The following HNRNPUL1 variants were observed in gnomAD, a reference collection of about 807,000 sequenced individuals.
HNRNPUL1 encodes heterogeneous nuclear ribonucleoprotein U-like protein 1.
Under a neutral mutation model 108.5 loss-of-function variants are expected in HNRNPUL1, and 14 were observed. The observed-to-expected ratio is 0.13, with a 90% CI of 0.09 to 0.20. The LOEUF is 0.20. HNRNPUL1 is among the 10% of genes least tolerant of loss of function. The pLI, the probability that HNRNPUL1 is intolerant of heterozygous loss-of-function variation, is 1.00. For synonymous variants in HNRNPUL1, 422 were observed against 445.2 expected (o/e 0.95, Z 0.66); for missense variants, 804 against 1,168.3 (o/e 0.69, Z 4.55).
rs1055549533 is a variant in HNRNPUL1, at chr19:41,301,670, G to A, written c.1653G>A (p.Lys551=). Reference sequence around the variant, plus strand: ...TAAAGCGAACCGACGAGGAAGGGAAGGATGTCCCAGATCATGCGGTCTTAG... The same window carrying A: ...TAAAGCGAACCGACGAGGAAGGGAAAGATGTCCCAGATCATGCGGTCTTAG... ...RTIKRTDEEG[K]DVPDHAVLEM... Residue 551 remains lysine (K), a synonymous_variant, in exon 11 of 15, where the codon AAG becomes AAA. Transcript: ENST00000392006. 1 of 1,613,888 alleles carries A rather than the reference G, an allele frequency of 6.2e-7. No homozygotes were observed. The highest frequency in any genetic ancestry group is 1.3e-5 in the African/African-American group (1 of 75,036).
In HNRNPUL1 at chr19:41,306,709, CCT is replaced by C; in HGVS notation, c.*147_*148del. 1 of 436,600 alleles carries C rather than the reference CCT, an allele frequency of 2.3e-6. No homozygotes were observed. The highest frequency in any genetic ancestry group is 4.0e-6 in the Non-Finnish European group (1 of 249,828). 27.0% of individuals were successfully genotyped at this position (436,600 alleles called of 1,614,324 possible). ...TGCCTCCCTCCAGCCCACTGCCTCC[CCT>C]CTGAGGGGCTTCCTTCCCCTCCATA... On this transcript the variant is annotated 3_prime_UTR_variant, in exon 15 of 15. Transcript: ENST00000392006.
At chr19:41,304,633 C>T (rs994242160) in intron 13 of HNRNPUL1, among the ~76,000 whole-genome samples, 4 of 152,212 alleles carry the variant, frequency 2.6e-5, no homozygotes, top group Non-Finnish European at 4.4e-5. Context: ...CCCAGGCTGG[C>T]TGACCTCTTT....
chr19:41,280,732 C>T (rs756279881), intron 6 of HNRNPUL1, among the ~76,000 whole-genome samples: 5 of 152,158 alleles, frequency 3.3e-5, no homozygotes, highest in Non-Finnish European at 5.9e-5. Context: ...AAATCTAGTA[C>T]CTTTCCCAGG....
intron 7 of HNRNPUL1, chr19:41,286,756 C>T (rs945109230): frequency 1.4e-5 from 2 of 142,608 alleles, no homozygotes; most frequent in Non-Finnish European, 3.0e-5. Context: ...CACTCTTGTC[C>T]CCCAGGTTTG....
In HNRNPUL1 at chr19:41,294,143, G is replaced by T. The variant is rs2036750151; in HGVS notation, c.1267-195G>T. ...TTGACTTAATGCTCACCCTGTCCCA[G>T]GCACTGTGCTCAGAGTCTGACAAGC... On this transcript the variant is annotated intron_variant, in intron 8 of 14. Transcript: ENST00000392006. The surrounding 1 kb of genome is among the most constrained non-coding windows in gnomAD (Gnocchi z 4.3). 1.3e-5 allele frequency among the ~76,000 whole-genome samples: 2 copies of T among 152,170 alleles called. No homozygotes were observed. Among genetic ancestry groups the T allele is most frequent in the Non-Finnish European group, 2.9e-5 (2 of 68,030 alleles).
At chr19:41,274,827 A>G (rs2035453696) in intron 4 of HNRNPUL1, among the ~76,000 whole-genome samples, 1 of 152,242 alleles carries the variant, frequency 6.6e-6, no homozygotes, top group Non-Finnish European at 1.5e-5. Flanking sequence ...AGTAAGAGAT[A>G]AAAATATACA....
At chr19:41,273,427 C>T (rs2035360625) in intron 3 of HNRNPUL1, among the ~76,000 whole-genome samples, 1 of 151,980 alleles carries the variant, frequency 6.6e-6, no homozygotes, top group Non-Finnish European at 1.5e-5. Context: ...CAGAAACCAA[C>T]AGTGTTAAGT....
At position 41,301,525 on chromosome 19, in the gene HNRNPUL1, C is replaced by T. The variant is rs1460249816; in HGVS notation, c.1519-11C>T. 72 of 1,606,716 alleles carry T rather than the reference C, an allele frequency of 4.5e-5. No homozygotes were observed. The highest frequency in any genetic ancestry group is 1.7e-4 in the Middle Eastern group (1 of 6,038). On this transcript the variant is annotated splice_polypyrimidine_tract_variant and intron_variant, in intron 10 of 14. Coordinates refer to ENST00000392006, the MANE Select transcript of HNRNPUL1 (RefSeq NM_007040.6). ...TACCATCTCTTGCCTCTTCTGTTAC[C>T]TTACCCTTAGACAAATGTTTATGGG... is the stretch of plus-strand genomic sequence containing the variant.
intron 10 of HNRNPUL1, 148 bp from the exon 11 acceptor site, chr19:41,301,388 A>G: frequency 3.2e-6 from 2 of 628,138 alleles, no homozygotes; most frequent in East Asian, 3.0e-5. Flanking sequence ...AGAATCTTCT[A>G]AGTAAAGAAG....
At chr19:41,265,583 G>A (rs906723010) in intron 1 of HNRNPUL1, among the ~76,000 whole-genome samples, 3 of 152,156 alleles carry the variant, frequency 2.0e-5, no homozygotes, top group Non-Finnish European at 2.9e-5. Context: ...GGTATAGGGA[G>A]CCCTGGTGTC....
At chr19:41,275,451 G>A (rs940475089) in intron 4 of HNRNPUL1, among the ~76,000 whole-genome samples, 1 of 151,912 alleles carries the variant, frequency 6.6e-6, no homozygotes, top group Admixed American at 6.6e-5. Context: ...TCATGCCTCC[G>A]TACTCCAGCC....
chr19:41,283,935 G>A (rs554948786), intron 7 of HNRNPUL1, among the ~76,000 whole-genome samples: 1 of 152,304 alleles, frequency 6.6e-6, no homozygotes, highest in Admixed American at 6.5e-5. Flanking sequence ...TAATTTTGAA[G>A]CCACCTCCTA....
At chr19:41,302,043 T>C (rs2037241686) in intron 11 of HNRNPUL1, among the ~76,000 whole-genome samples, 2 of 152,080 alleles carry the variant, frequency 1.3e-5, no homozygotes, top group South Asian at 4.1e-4. Flanking sequence ...AATATAGGGA[T>C]GGTGATGCCA....
intron 3 of HNRNPUL1, 55 bp downstream of exon 3, chr19:41,272,290 C>T: frequency 6.4e-7 from 1 of 1,564,672 alleles, no homozygotes; most frequent in African/African-American, 1.4e-5. Context: ...ATATCCATAG[C>T]CTCGTGCTTG....
chr19:41,264,490 C>T lies in HNRNPUL1; in HGVS notation c.-14C>T, dbSNP rs1308283489. 7.4e-7 allele frequency: 1 copy of T among 1,353,096 alleles called. No homozygotes were observed. The highest frequency in any genetic ancestry group is 9.5e-7 in the Non-Finnish European group (1 of 1,051,348). 83.8% of individuals were successfully genotyped at this position (1,353,096 alleles called of 1,614,324 possible). A position where few individuals can be genotyped will look rare whatever the true frequency, so the allele number is the denominator to read the frequency against. ...GCCGGGCCGGGCTCGGGGGCCACCC[C>T]GGGGGCCCGGGCCATGGATGTGCGC... On this transcript the variant is annotated 5_prime_UTR_variant, in exon 1 of 15. Coordinates refer to ENST00000392006, the MANE Select transcript of HNRNPUL1 (RefSeq NM_007040.6).
Position 41,279,247 on chromosome 19 carries a change from T to G in HNRNPUL1, c.886+71T>G, listed in dbSNP as rs1416571159. On this transcript the variant is annotated intron_variant, in intron 6 of 14. Transcript: ENST00000392006. Reference sequence around the variant, plus strand: ...CCTACCCTTGGATTTTCAAGGCTCCTAAGCTTCCTTTTCCAGCGTCAGACT... The same window carrying G: ...CCTACCCTTGGATTTTCAAGGCTCCGAAGCTTCCTTTTCCAGCGTCAGACT... 4.9e-5 allele frequency: 52 copies of G among 1,059,232 alleles called. No homozygotes were observed. In the East Asian group the frequency reaches 1.2e-3, roughly 24 times the overall value. 65.6% of individuals were successfully genotyped at this position (1,059,232 alleles called of 1,614,324 possible). A position where few individuals can be genotyped will look rare whatever the true frequency, so the allele number is the denominator to read the frequency against.
At position 41,272,121 on chromosome 19, in the gene HNRNPUL1, T is replaced by C; in HGVS notation, c.458T>C (p.Phe153Ser). The C allele has an allele frequency of 2.5e-6, 4 of 1,614,094 alleles. No individual in the cohort carries two copies. The highest frequency in any genetic ancestry group is 2.5e-6 in the Non-Finnish European group (3 of 1,180,000). Residue 153 changes from phenylalanine to serine, a missense_variant, in exon 3 of 15, where the codon TTC (phenylalanine) becomes TCC (serine). Coordinates refer to ENST00000392006, the MANE Select transcript of HNRNPUL1 (RefSeq NM_007040.6). ...ATGAAGCAAGGAGCACCCACCAGCT[T>C]CCTCCCGCCTGAAGCTTCTCAACTC... ...TEMKQGAPTS[F>S]LPPEASQLKP... is the part of the protein sequence containing the mutation.
At chr19:41,291,990 A>AC (rs935348110) in intron 7 of HNRNPUL1, 34 of 452,318 alleles carry the variant, frequency 7.5e-5, no homozygotes, top group African/African-American at 5.2e-4. Flanking sequence ...AAAAAAAAAA[A>AC]AAACAAAAAA....
chr19:41,274,652 C>T (rs1412335920), intron 4 of HNRNPUL1, among the ~76,000 whole-genome samples: 1 of 152,174 alleles, frequency 6.6e-6, no homozygotes, highest in Non-Finnish European at 1.5e-5. Flanking sequence ...ACCTCCTAGT[C>T]AAGAGTCTAA....
Sources: allele counts gnomAD v4.1 joint callset (sites outside exome capture counted in the v4.1 genomes callset), GRCh38; gene constraint gnomAD v4.1.1; non-coding constraint Gnocchi (gnomAD v3.1); transcripts MANE v1.5; gene names NCBI Gene and HGNC (gene_info 2026-07-23, HGNC 2026-07-21).